PDE10A: variants seen among roughly 807,000 people sequenced by gnomAD.
PDE10A encodes the protein phosphodiesterase 10A, also known as cAMP and cAMP-inhibited cGMP 3',5'-cyclic phosphodiesterase 10A.
In PDE10A, 39 loss-of-function variants were observed where a neutral mutation model predicts 97.7. That is an observed-to-expected ratio of 0.40 (90% CI 0.31 to 0.52). PDE10A has a LOEUF of 0.52. PDE10A is among the 20% of genes least tolerant of loss of function. The pLI is 0.56. For missense variants in PDE10A, 731 were observed against 1,047.8 expected (o/e 0.70, Z 4.17); for synonymous variants, 371 against 376.8 (o/e 0.98, Z 0.18).
At chr6:165,957,396 G>A (rs772921389) in intron 1 of PDE10A, among the ~76,000 whole-genome samples, 3 of 152,056 alleles carry the variant, frequency 2.0e-5, no homozygotes, top group Non-Finnish European at 4.4e-5. Context: ...TGAGAGAATC[G>A]CTTGACCCCA....
Position 165,408,030 on chromosome 6 carries a change from C to G in PDE10A, c.2076+5471G>C, listed in dbSNP as rs148736436. 2.1e-3 allele frequency among the ~76,000 whole-genome samples: 326 copies of G among 152,264 alleles called. 1 individual carries two copies. The highest frequency in any genetic ancestry group is 7.5e-3 in the African/African-American group (311 of 41,570). ...GCATTAACATGGCCTATGTGCCCTG[C>G]TTCTTAGATAGGCTCTTAATCAAAC... On this transcript the variant is annotated intron_variant, in intron 13 of 21. Coordinates refer to ENST00000539869, the MANE Select transcript of PDE10A (RefSeq NM_001385079.1).
At chr6:165,527,990 G>A (rs9459438) in intron 2 of PDE10A, among the ~76,000 whole-genome samples, 7,924 of 152,290 alleles carry the variant, frequency 0.052, 327 homozygotes, top group East Asian at 0.2. Flanking sequence ...CGGCGGTGAA[G>A]GGTAATCTTC....
intron 1 of PDE10A, among the ~76,000 whole-genome samples, chr6:165,907,969 A>G (rs780109410): frequency 1.1e-4 from 16 of 152,264 alleles, no homozygotes; most frequent in Non-Finnish European, 2.4e-4. Context: ...TTAGGACAAC[A>G]TTGGAAACCC....
intron 1 of PDE10A, among the ~76,000 whole-genome samples, chr6:165,596,680 T>A (rs1206259963): frequency 5.3e-5 from 8 of 152,088 alleles, no homozygotes; most frequent in Admixed American, 5.2e-4. Context: ...CAGGTAGCCA[T>A]GATTGTACCA....
chr6:165,522,079 T>G (rs1419539829), intron 2 of PDE10A, among the ~76,000 whole-genome samples: 2 of 152,188 alleles, frequency 1.3e-5, no homozygotes, highest in Non-Finnish European at 2.9e-5. Context: ...CTTCTGTTCA[T>G]GGACACTTTT....
chr6:165,941,122 T>C (rs1783503307), intron 1 of PDE10A, among the ~76,000 whole-genome samples: 2 of 152,164 alleles, frequency 1.3e-5, no homozygotes, highest in South Asian at 4.1e-4. Context: ...CTTAGGCAAG[T>C]TACTGATACT....
At chr6:165,984,707 T>C (rs917296611) in intron 1 of PDE10A, among the ~76,000 whole-genome samples, 1 of 152,246 alleles carries the variant, frequency 6.6e-6, no homozygotes, top group African/African-American at 2.4e-5. Context: ...AATGCCATTT[T>C]TTTTTTCAGT....
intron 1 of PDE10A, among the ~76,000 whole-genome samples, chr6:165,859,571 G>A (rs985064556): frequency 6.6e-6 from 1 of 152,176 alleles, no homozygotes; most frequent in Admixed American, 6.5e-5. Context: ...GTGCTTCCCT[G>A]CCCTCTCTGG....
At chr6:165,721,932 T>A (rs777406659) in intron 1 of PDE10A, among the ~76,000 whole-genome samples, 72 of 152,226 alleles carry the variant, frequency 4.7e-4, no homozygotes, top group Non-Finnish European at 1.9e-4. Flanking sequence ...TCCCGCCACA[T>A]CTAGCTACAA....
intron 1 of PDE10A, among the ~76,000 whole-genome samples, chr6:165,748,687 G>A (rs190037464): frequency 1.9e-4 from 29 of 152,270 alleles, no homozygotes; most frequent in African/African-American, 6.3e-4. Flanking sequence ...GATGAGGGGC[G>A]GTCATCTGGA....
Position 165,685,391 on chromosome 6 carries a change from C to CTG in PDE10A, c.-614-141825_-614-141824dup, listed in dbSNP as rs143777196. On this transcript the variant is annotated intron_variant, in intron 1 of 19. Transcript: ENST00000366882. ...GCATCCTTCTGCTTGGGGCTTTATT[C>CTG]TGTGTGTGTGTGTGTGTTTGGTGGT... Among the ~76,000 whole-genome samples, 62 of 150,524 alleles carry CTG rather than the reference C, an allele frequency of 4.1e-4. 1 individual carries two copies. Among genetic ancestry groups the CTG allele is most frequent in the Middle Eastern group, 3.4e-3 (1 of 290 alleles).
intron 3 of PDE10A, among the ~76,000 whole-genome samples, chr6:165,476,777 T>A (rs1448548995): frequency 6.6e-6 from 1 of 152,104 alleles, no homozygotes. Context: ...AGAAAAAGAA[T>A]CAGAATGGTC....
At chr6:165,536,820 A>G (rs1783115659) in intron 2 of PDE10A, among the ~76,000 whole-genome samples, 1 of 151,904 alleles carries the variant, frequency 6.6e-6, no homozygotes, top group East Asian at 1.9e-4. Flanking sequence ...CTGGCGAAGA[A>G]AGGGGAATGC....
intron 2 of PDE10A, among the ~76,000 whole-genome samples, chr6:165,524,422 T>A (rs1418490674): frequency 6.6e-6 from 1 of 152,114 alleles, no homozygotes; most frequent in Non-Finnish European, 1.5e-5. Context: ...CATAAACTGT[T>A]TAGAAAGTTA....
At chr6:165,338,373 C>G (rs1250416070) in intron 20 of PDE10A, among the ~76,000 whole-genome samples, 1 of 152,204 alleles carries the variant, frequency 6.6e-6, no homozygotes, top group Non-Finnish European at 1.5e-5. Context: ...TATTTGCCCA[C>G]AACTAACTTC....
At chr6:165,653,227 TTA>T (rs1789770808) in intron 1 of PDE10A, among the ~76,000 whole-genome samples, 1 of 152,244 alleles carries the variant, frequency 6.6e-6, no homozygotes, top group Non-Finnish European at 1.5e-5. Flanking sequence ...TTCATTCAAC[TTA>T]TTTTGCTTGG....
chr6:165,585,405 T>C (rs1785848627), intron 1 of PDE10A, among the ~76,000 whole-genome samples: 1 of 152,204 alleles, frequency 6.6e-6, no homozygotes, highest in African/African-American at 2.4e-5. Flanking sequence ...GTAGACATGA[T>C]TAGCAGTCAC....
chr6:165,847,646 G>A (rs61063405), intron 1 of PDE10A, among the ~76,000 whole-genome samples: 2 of 152,214 alleles, frequency 1.3e-5, no homozygotes, highest in Non-Finnish European at 2.9e-5. Context: ...TGCCTCTGAC[G>A]TCATTTCTGA....
intron 2 of PDE10A, among the ~76,000 whole-genome samples, chr6:165,496,659 A>G (rs1012967457): frequency 8.5e-5 from 13 of 152,338 alleles, no homozygotes; most frequent in African/African-American, 2.9e-4. Flanking sequence ...ACAATAAGAG[A>G]CCACGTCTAG....
Sources: allele counts gnomAD v4.1 joint callset (sites outside exome capture counted in the v4.1 genomes callset), GRCh38; gene constraint gnomAD v4.1.1; transcripts MANE v1.5; gene names NCBI Gene and HGNC (gene_info 2026-07-23, HGNC 2026-07-21).